ANXA3: variants seen among roughly 807,000 people sequenced by gnomAD.
The protein encoded by ANXA3 is annexin A3.
A neutral mutation model predicts 48.8 loss-of-function variants in ANXA3; 46 were observed. The observed-to-expected ratio is 0.94, with a 90% confidence interval of 0.74 to 1.21. The LOEUF (loss-of-function observed/expected upper bound fraction) is 1.21. Ranked by LOEUF, ANXA3 falls within the 50% of genes most tolerant of loss-of-function variation. The probability of loss-of-function intolerance (pLI) is 0.00; values close to 1 mark genes in which losing one functional copy is unlikely to be tolerated. For missense variants in ANXA3, 383 were observed against 378.6 expected, an observed-to-expected ratio of 1.01 and a Z score of -0.10; for synonymous variants, 128 against 134.7, an observed-to-expected ratio of 0.95 and a Z score of 0.35.
chr4:78,558,843 A>G (rs986753542), intron 2 of ANXA3, among the ~76,000 whole-genome samples: 4 of 152,140 alleles, frequency 2.6e-5, no homozygotes, highest in African/African-American at 7.2e-5. Context: ...CACAGCAAGC[A>G]CTCAGGAAGC....
intron 2 of ANXA3, among the ~76,000 whole-genome samples, chr4:78,555,379 A>T (rs1013566038): frequency 3.3e-5 from 5 of 152,380 alleles, no homozygotes; most frequent in Admixed American, 6.5e-5. Context: ...TAGAGGCAGA[A>T]GACAGCTCGC....
intron 12 of ANXA3, 101 bp downstream of exon 12, chr4:78,604,500 C>T: frequency 9.8e-7 from 1 of 1,019,276 alleles, no homozygotes; most frequent in East Asian, 2.6e-5. Flanking sequence ...ACTTAGATTT[C>T]TCTCTCCTTG....
intron 12 of ANXA3, among the ~76,000 whole-genome samples, chr4:78,604,766 A>G (rs556582158): frequency 1.3e-5 from 2 of 152,350 alleles, no homozygotes; most frequent in African/African-American, 4.8e-5. Context: ...TCTGTTTTAC[A>G]TGAGACAGCA....
intron 7 of ANXA3, among the ~76,000 whole-genome samples, chr4:78,591,849 T>G (rs1040963503): frequency 6.6e-6 from 1 of 152,136 alleles, no homozygotes; most frequent in African/African-American, 2.4e-5. Flanking sequence ...TTTGAGTCAG[T>G]AAGTGGAGGT....
In ANXA3 at chr4:78,595,850, G is replaced by C; in HGVS notation, c.597G>C (p.Glu199Asp). The C allele has an allele frequency of 6.2e-7, 1 of 1,612,456 alleles. No individual in the cohort carries two copies. The highest frequency in any genetic ancestry group is 1.3e-5 in the African/African-American group (1 of 75,010). The change falls in exon 9 of 13, where the codon GAG (glutamate) becomes GAC (aspartate). Residue 199 changes from glutamate to aspartate, a missense_variant. By Grantham distance (45) the Glu-to-Asp change is conservative (BLOSUM62 2). Coordinates refer to ENST00000264908, the MANE Select transcript of ANXA3 (RefSeq NM_005139.3). ...RWGTDEDKFT[E>D]ILCLRSFPQL... ...GCACGGATGAAGACAAATTCACTGA[G>C]ATCCTGTGTTTAAGGAGCTTTCCTC...
chr4:78,592,285 C>T (rs1378430677), intron 7 of ANXA3, among the ~76,000 whole-genome samples: 4 of 152,156 alleles, frequency 2.6e-5, no homozygotes, highest in Admixed American at 6.5e-5. Flanking sequence ...TGATTTAAAC[C>T]ATAGCTCACC....
chr4:78,595,304 C>T lies in ANXA3; in HGVS notation c.484-77C>T. Reference sequence around the variant, plus strand: ...TGCCTTAAAGAAAAACCACTAAGATCCCCTGCTGGTTGAAGTACTATGTGT... The same window carrying T: ...TGCCTTAAAGAAAAACCACTAAGATTCCCTGCTGGTTGAAGTACTATGTGT... On this transcript the variant is annotated intron_variant, in intron 7 of 12. Transcript: ENST00000264908. 3 of 1,482,354 alleles carry T rather than the reference C, an allele frequency of 2.0e-6. No individual in the cohort carries two copies. In the South Asian group the frequency reaches 3.4e-5, roughly 17 times the overall value. 91.8% of individuals were successfully genotyped at this position (1,482,354 alleles called of 1,614,324 possible).
At chr4:78,575,762 T>C (rs1259485285) in intron 3 of ANXA3, among the ~76,000 whole-genome samples, 1 of 152,234 alleles carries the variant, frequency 6.6e-6, no homozygotes, top group Admixed American at 6.5e-5. Flanking sequence ...AATATTTTTG[T>C]CCAGGATTTA....
At chr4:78,556,893 C>T (rs922640980) in intron 2 of ANXA3, among the ~76,000 whole-genome samples, 1 of 152,142 alleles carries the variant, frequency 6.6e-6, no homozygotes, top group East Asian at 1.9e-4. Context: ...GACCCAAGTG[C>T]GTGTGATCAA....
chr4:78,598,179 CCACACACACA>C (rs57634883), intron 10 of ANXA3, among the ~76,000 whole-genome samples: 3 of 144,664 alleles, frequency 2.1e-5, no homozygotes, highest in African/African-American at 7.6e-5. Flanking sequence ...ATTAAAAAAA[CCACACACACA>C]CACACACACA....
chr4:78,552,673 C>A (rs1722423944), intron 1 of ANXA3, among the ~76,000 whole-genome samples: 1 of 152,150 alleles, frequency 6.6e-6, no homozygotes, highest in South Asian at 2.1e-4. Context: ...CGAATTCTTT[C>A]CAAGGATTTG....
intron 2 of ANXA3, among the ~76,000 whole-genome samples, chr4:78,566,611 A>G (rs1348016180): frequency 1.4e-5 from 2 of 139,368 alleles, no homozygotes; most frequent in East Asian, 4.7e-4. Flanking sequence ...GAGCTAAACA[A>G]TGGGTACACA....
In ANXA3 at chr4:78,598,070, C is replaced by T. The variant is rs78938375; in HGVS notation, c.730+656C>T. Among the ~76,000 whole-genome samples, 127 of 152,032 alleles carry T rather than the reference C, an allele frequency of 8.4e-4. No homozygotes were observed. In the East Asian group the frequency reaches 0.022, roughly 26 times the overall value. ...CGTAGGCAAAGCACAGTGGCATGCA[C>T]GTGTAGTCTTACCTACTTGGGAGGC... On this transcript the variant is annotated intron_variant, in intron 10 of 12. Transcript: ENST00000264908.
intron 7 of ANXA3, among the ~76,000 whole-genome samples, chr4:78,593,711 A>T (rs1274601072): frequency 6.8e-6 from 1 of 147,920 alleles, no homozygotes; most frequent in Non-Finnish European, 1.5e-5. Context: ...ATCTTAGCTC[A>T]CTGTAGTCTC....
intron 4 of ANXA3, among the ~76,000 whole-genome samples, chr4:78,581,911 C>T (rs979568931): frequency 6.6e-6 from 1 of 152,190 alleles, no homozygotes; most frequent in African/African-American, 2.4e-5. Flanking sequence ...CTAGGAAATG[C>T]ATTTGAATAC....
intron 2 of ANXA3, among the ~76,000 whole-genome samples, chr4:78,562,369 CTT>C (rs1722644282): frequency 6.6e-6 from 1 of 152,156 alleles, no homozygotes; most frequent in South Asian, 2.1e-4. Context: ...ATTTGTAACT[CTT>C]TGTGTTTGAT....
chr4:78,574,117 AT>A (rs1722899316), intron 3 of ANXA3, among the ~76,000 whole-genome samples: 1 of 152,188 alleles, frequency 6.6e-6, no homozygotes, highest in African/African-American at 2.4e-5. Context: ...ATAATAAATC[AT>A]TACAAATATG....
chr4:78,555,136 C>A (rs982660865), intron 2 of ANXA3, among the ~76,000 whole-genome samples: 11 of 152,260 alleles, frequency 7.2e-5, no homozygotes, highest in African/African-American at 2.6e-4. Context: ...ACCTGGGAGG[C>A]AGAGGTTGCA....
chr4:78,580,886 T>C lies in ANXA3; in HGVS notation c.199-1291T>C, dbSNP rs529225926. On this transcript the variant is annotated intron_variant, in intron 4 of 12. Transcript: ENST00000264908. ...GTTGAATTGAGTGAATTGCCTAGCT[T>C]CAGGGCAAGACAACACTTTCACATA... Among the ~76,000 whole-genome samples the C allele has an allele frequency of 3.9e-5, 6 of 152,366 alleles. No homozygotes were observed. In the South Asian group the frequency reaches 1.2e-3, roughly 32 times the overall value.
Sources: gnomAD v4.1 joint callset for allele counts (sites outside exome capture counted in the v4.1 genomes callset) on GRCh38, gnomAD v4.1.1 for gene constraint, MANE v1.5 for transcripts, NCBI Gene and HGNC (gene_info 2026-07-23, HGNC 2026-07-21) for gene names.